SPIB: variants seen among roughly 807,000 people sequenced by gnomAD.
SPIB encodes the protein transcription factor Spi-B.
Under a neutral mutation model 31.9 loss-of-function variants are expected in SPIB, and 7 were observed. The observed-to-expected ratio is 0.22, with a 90% CI of 0.12 to 0.41. The LOEUF (loss-of-function observed/expected upper bound fraction) is 0.41. SPIB is among the 10% of genes least tolerant of loss of function. The pLI is 1.00. For synonymous variants in SPIB, 176 were observed against 158.9 expected (o/e 1.11, Z -0.81); for missense variants, 327 against 360.2 (o/e 0.91, Z 0.75).
Position 50,422,827 on chromosome 19 carries a change from C to A in SPIB, c.129C>A (p.Ser43=). ...GACTCAGTGCCCTTCCCCCAGACTCCCTGTGGGACTGGACTGTGGCCCCAC... is the reference window on the plus strand; with the variant it reads ...GACTCAGTGCCCTTCCCCCAGACTCACTGTGGGACTGGACTGTGGCCCCAC... ...SYPDSEGAPD[S]LWDWTVAPPV... The change falls in exon 4 of 6, where the codon TCC becomes TCA. Residue 43 remains serine (S), a synonymous_variant. Coordinates refer to ENST00000595883, the MANE Select transcript of SPIB (RefSeq NM_003121.5). 1 of 1,559,630 alleles carries A rather than the reference C, an allele frequency of 6.4e-7. No individual in the cohort carries two copies. The highest frequency in any genetic ancestry group is 1.2e-5 in the South Asian group (1 of 84,268).
Position 50,419,001 on chromosome 19 carries a change from C to T in SPIB, c.23+16C>T. Reference sequence around the variant, plus strand: ...AGGCTGCACAGTAAGTGAGGGCCCCCAAACCTGCACCCGGGGTCCCCACCT... The same window carrying T: ...AGGCTGCACAGTAAGTGAGGGCCCCTAAACCTGCACCCGGGGTCCCCACCT... On this transcript the variant is annotated intron_variant, in intron 1 of 5. Coordinates refer to ENST00000595883, the MANE Select transcript of SPIB (RefSeq NM_003121.5). The T allele has an allele frequency of 6.4e-7, 1 of 1,551,694 alleles. No homozygotes were observed. The highest frequency in any genetic ancestry group is 8.7e-7 in the Non-Finnish European group (1 of 1,147,670).
At chr19:50,422,587 A>G (rs776510344) in intron 3 of SPIB, 42 bp downstream of exon 3, 38 of 1,599,754 alleles carry the variant, frequency 2.4e-5, no homozygotes, top group Non-Finnish European at 3.0e-5. Context: ...CTTGGGGCCC[A>G]TTTCACAGAT....
intron 5 of SPIB, among the ~76,000 whole-genome samples, chr19:50,424,366 G>A (rs1421584787): frequency 6.6e-6 from 1 of 152,222 alleles, no homozygotes; most frequent in African/African-American, 2.4e-5. Context: ...CAACACACAG[G>A]CTGGGTGTGG....
In SPIB at chr19:50,422,882, G is replaced by A. The variant is rs769582985; in HGVS notation, c.184G>A (p.Asp62Asn). Residue 62 changes from aspartate (D) to asparagine (N), a missense_variant, in exon 4 of 6, where the codon GAC becomes AAC. This residue lies in a region of SPIB where 238 missense variants were observed against 228.8 expected (regional missense o/e 1.04). Transcript: ENST00000595883. ...CCCAGCCACCCCCTATGAAGCCTTCGACCCGGCAGCAGCCGCTTTTAGCCA... is the reference window on the plus strand; with the variant it reads ...CCCAGCCACCCCCTATGAAGCCTTCAACCCGGCAGCAGCCGCTTTTAGCCA... The part of the protein sequence containing the change: ...PVPATPYEAF[D>N]PAAAAFSHPQ... 3.7e-6 allele frequency: 6 copies of A among 1,610,404 alleles called. No individual in the cohort carries two copies. The East Asian group carries it at 8.9e-5, about 24-fold the overall frequency.
rs2039615069 is a variant in SPIB at position 50,429,620 on chromosome 19, T to A, written c.*1284T>A. ...TGCTCAGGAGGCTGAGGTGGGAGGATCTCTTGAGCCCAGGAAGTAGGAGGC... is the reference window on the plus strand; with the variant it reads ...TGCTCAGGAGGCTGAGGTGGGAGGAACTCTTGAGCCCAGGAAGTAGGAGGC... On this transcript the variant is annotated 3_prime_UTR_variant, in exon 6 of 6. Coordinates refer to ENST00000595883, the MANE Select transcript of SPIB (RefSeq NM_003121.5). The A allele has an allele frequency of 6.6e-6, 1 of 152,188 alleles. No individual in the cohort carries two copies. The highest frequency in any genetic ancestry group is 1.5e-5 in the Non-Finnish European group (1 of 68,158). The allele number at this position is 152,188 out of a possible 1,614,324, so 9.4% of individuals were successfully genotyped here.
At chr19:50,419,008 G>GC in intron 1 of SPIB, 23 bp downstream of exon 1, 1 of 1,550,952 alleles carries the variant, frequency 6.4e-7, no homozygotes, top group Non-Finnish European at 8.7e-7. Flanking sequence ...CCCCAAACCT[G>GC]CACCCGGGGT....
At chr19:50,425,584 G>A (rs915130463) in intron 5 of SPIB, among the ~76,000 whole-genome samples, 2 of 152,148 alleles carry the variant, frequency 1.3e-5, no homozygotes, top group Non-Finnish European at 2.9e-5. Flanking sequence ...AGGACCACAG[G>A]CGTACACCAC....
Position 50,422,966 on chromosome 19 carries a change from G to A in SPIB, c.268G>A (p.Glu90Lys), listed in dbSNP as rs773006030. ...CACCTACAGCCCTGCAGGGAACCTC[G>A]AACTGGCCCCCAGCCTGGAGGCCCC... is the stretch of plus-strand genomic sequence containing the variant. Reference protein sequence around the residue: ...PPTYSPAGNLELAPSLEAPGP... With the variant: ...PPTYSPAGNLKLAPSLEAPGP... Residue 90 changes from glutamate to lysine, a missense_variant, in exon 4 of 6, where the codon GAA becomes AAA. Physicochemically the swap from Glu to Lys is moderately conservative, Grantham distance 56. Transcript: ENST00000595883. 8.2e-6 allele frequency: 13 copies of A among 1,583,596 alleles called. 1 individual carries two copies. Among genetic ancestry groups the A allele is most frequent in the Middle Eastern group, 1.7e-4 (1 of 5,832 alleles).
intron 5 of SPIB, among the ~76,000 whole-genome samples, chr19:50,427,444 G>A (rs1174168605): frequency 2.0e-5 from 3 of 152,092 alleles, no homozygotes; most frequent in South Asian, 2.1e-4. Context: ...AGAATTGCTC[G>A]AACCCAGGAG....
At chr19:50,427,988 C>T in intron 5 of SPIB, 50 bp from the exon 6 acceptor site, 2 of 1,445,106 alleles carry the variant, frequency 1.4e-6, no homozygotes, top group Non-Finnish European at 1.8e-6. Flanking sequence ...ATGGGGAAGG[C>T]GGGGCCTTAG....
rs1385833755 is a variant in SPIB at position 50,431,216 on chromosome 19, C to T, written c.*2880C>T. ...ATCCCAACACTTTGGGGGGCCAAGG[C>T]AGGAGGATCGCTTGAGTACAGGAGT... On this transcript the variant is annotated 3_prime_UTR_variant, in exon 6 of 6. Coordinates refer to ENST00000595883, the MANE Select transcript of SPIB (RefSeq NM_003121.5). 1 of 152,186 alleles carries T rather than the reference C, an allele frequency of 6.6e-6. No individual in the cohort carries two copies. The highest frequency in any genetic ancestry group is 1.5e-5 in the Non-Finnish European group (1 of 68,066). 9.4% of individuals were successfully genotyped at this position (152,186 alleles called of 1,614,324 possible).
At chr19:50,420,415 TTTTG>T (rs980744018) in intron 2 of SPIB, among the ~76,000 whole-genome samples, 21 of 152,236 alleles carry the variant, frequency 1.4e-4, no homozygotes, top group African/African-American at 2.4e-4. Context: ...TTTTGTTTGT[TTTTG>T]TTTGTTTGTT....
At chr19:50,427,504 C>G (rs980640713) in intron 5 of SPIB, among the ~76,000 whole-genome samples, 2 of 152,114 alleles carry the variant, frequency 1.3e-5, no homozygotes, top group Non-Finnish European at 2.9e-5. Context: ...CAGCCTGGGC[C>G]GCAGAGCAAG....
rs923653712 is a variant in SPIB at position 50,430,365 on chromosome 19, T to C, written c.*2029T>C. On this transcript the variant is annotated 3_prime_UTR_variant, in exon 6 of 6. Transcript: ENST00000595883. Reference sequence around the variant, plus strand: ...AGGTCCTTGAGCCTGGGTGGGCAGGTGGATCTAGGGTGCATGACTTGCTGC... The same window carrying C: ...AGGTCCTTGAGCCTGGGTGGGCAGGCGGATCTAGGGTGCATGACTTGCTGC... 2.6e-5 allele frequency: 4 copies of C among 152,006 alleles called. No homozygotes were observed. Among genetic ancestry groups the C allele is most frequent in the African/African-American group, 7.3e-5 (3 of 41,366 alleles). 9.4% of individuals were successfully genotyped at this position (152,006 alleles called of 1,614,324 possible).
At chr19:50,424,769 G>A (rs758703702) in intron 5 of SPIB, among the ~76,000 whole-genome samples, 41 of 150,608 alleles carry the variant, frequency 2.7e-4, no homozygotes, top group Non-Finnish European at 5.6e-4. Context: ...GACAGAGTAA[G>A]ACTCTGTCTT....
intron 1 of SPIB, among the ~76,000 whole-genome samples, chr19:50,419,445 A>G (rs2039457960): frequency 6.6e-6 from 1 of 151,122 alleles, no homozygotes; most frequent in South Asian, 2.1e-4. Context: ...CAGTGCCTCC[A>G]TCTGGGGCTC....
chr19:50,419,106 G>A (rs977343916), intron 1 of SPIB, 121 bp downstream of exon 1: 8 of 1,226,870 alleles, frequency 6.5e-6, no homozygotes, highest in Non-Finnish European at 9.3e-6. Flanking sequence ...GTGGAGGGGA[G>A]GGGTCCACCC....
At position 50,423,777 on chromosome 19, in the gene SPIB, G is replaced by C. The variant is rs377672034; in HGVS notation, c.490+22G>C. ...GCAGGTATGCGGGAGTGGCTGGGGT[G>C]GGGGAGATGCCAGCTGGAGATGGTG... On this transcript the variant is annotated intron_variant, in intron 5 of 5. Transcript: ENST00000595883. 193 of 1,584,514 alleles carry C rather than the reference G, an allele frequency of 1.2e-4. 3 individuals are homozygous for C. Among genetic ancestry groups the C allele is most frequent in the South Asian group, 4.5e-4 (39 of 87,476 alleles).
At chr19:50,427,871 C>A (rs922811490) in intron 5 of SPIB, among the ~76,000 whole-genome samples, 167 bp from the exon 6 acceptor site, 2 of 148,394 alleles carry the variant, frequency 1.3e-5, no homozygotes, top group East Asian at 2.0e-4. Flanking sequence ...CCCCCCCCCC[C>A]CCGTGGTGAG....
Sources: gnomAD v4.1 joint callset for allele counts (sites outside exome capture counted in the v4.1 genomes callset) on GRCh38, gnomAD v4.1.1 for gene constraint, gnomAD v4.1.1 regional missense constraint, MANE v1.5 for transcripts, NCBI Gene and HGNC (gene_info 2026-07-23, HGNC 2026-07-21) for gene names.